Variants in BMP2K observed in about 807,000 individuals in gnomAD.
The protein encoded by BMP2K is BMP2 inducible kinase.
BMP2K carries 74 observed loss-of-function variants against 116.0 expected under a neutral mutation model. The observed-to-expected ratio is 0.64, with a 90% CI of 0.53 to 0.77. The LOEUF is 0.77. Ranked by LOEUF, BMP2K falls within the 30% of genes least tolerant of loss-of-function variation. The pLI, the probability that BMP2K is intolerant of heterozygous loss-of-function variation, is 0.00. For synonymous variants in BMP2K, 486 were observed against 502.5 expected, an observed-to-expected ratio of 0.97 and a Z score of 0.44; for missense variants, 1,365 against 1,403.6, an observed-to-expected ratio of 0.97 and a Z score of 0.44.
At chr4:78,780,923 G>C (rs1420253640) in intron 1 of BMP2K, among the ~76,000 whole-genome samples, 1 of 152,168 alleles carries the variant, frequency 6.6e-6, no homozygotes, top group Non-Finnish European at 1.5e-5. Flanking sequence ...AGGCCTTTTT[G>C]ATCTTTTAGC....
intron 15 of BMP2K, among the ~76,000 whole-genome samples, chr4:78,903,343 T>G (rs985709358): frequency 6.6e-6 from 1 of 152,044 alleles, no homozygotes; most frequent in South Asian, 2.1e-4. Context: ...AATGCATAAA[T>G]GTACATAATT....
intron 1 of BMP2K, among the ~76,000 whole-genome samples, chr4:78,825,031 C>T (rs140529604): frequency 9.9e-5 from 15 of 152,112 alleles, no homozygotes; most frequent in South Asian, 2.1e-4. Context: ...AGTGAAGCCT[C>T]GTCTCTACTG....
rs115139828 is a variant in BMP2K at position 78,867,573 on chromosome 4, T to G, written c.1231+1853T>G. Among the ~76,000 whole-genome samples, 686 of 152,260 alleles carry G rather than the reference T, an allele frequency of 4.5e-3. 3 individuals are homozygous for G. Among genetic ancestry groups the G allele is most frequent in the African/African-American group, 0.016 (648 of 41,554 alleles). Reference sequence around the variant, plus strand: ...TTAACATTTCTTCACCCTTTAAAAATAATACAAAAATTAACACGTGAGTAT... The same window carrying G: ...TTAACATTTCTTCACCCTTTAAAAAGAATACAAAAATTAACACGTGAGTAT... On this transcript the variant is annotated intron_variant, in intron 10 of 15. Coordinates refer to ENST00000502613, the MANE Select transcript of BMP2K (RefSeq NM_198892.2).
intron 2 of BMP2K, among the ~76,000 whole-genome samples, chr4:78,827,224 A>G (rs1371755862): frequency 1.3e-5 from 2 of 150,238 alleles, no homozygotes; most frequent in African/African-American, 2.4e-5. Flanking sequence ...AACTCCATAC[A>G]CTGTCTTATC....
In BMP2K at chr4:78,887,236, C is replaced by T. The variant is rs189572729; in HGVS notation, c.2014C>T (p.His672Tyr). ...AGACTCACTTTCTGCTCCACATAAC[C>T]ATCCTCCAGAAGATCCTTTTGGTTC... is the stretch of plus-strand genomic sequence containing the variant. ...NVDSLSAPHN[H>Y]PPEDPFGSVP... The change falls in exon 15 of 16, where the codon CAT becomes TAT. Residue 672 changes from histidine to tyrosine, a missense_variant. His to Tyr is a moderately conservative substitution (Grantham distance 83). This residue lies in a region of BMP2K where 596 missense variants were observed against 623.2 expected (regional missense o/e 0.96). Transcript: ENST00000502613. 3 of 1,611,834 alleles carry T rather than the reference C, an allele frequency of 1.9e-6. No homozygotes were observed. Among genetic ancestry groups the T allele is most frequent in the African/African-American group, 2.7e-5 (2 of 75,006 alleles).
intron 11 of BMP2K, among the ~76,000 whole-genome samples, chr4:78,871,507 A>C (rs1732355387): frequency 6.6e-6 from 1 of 152,176 alleles, no homozygotes; most frequent in African/African-American, 2.4e-5. Flanking sequence ...GATGCCCAGA[A>C]GACACCACTG....
At position 78,911,049 on chromosome 4, in the gene BMP2K, A is replaced by G. The variant is rs762189582; in HGVS notation, c.2502A>G (p.Thr834=). The change falls in exon 16 of 16, where the codon ACA becomes ACG. Residue 834 remains threonine (T), a synonymous_variant. Transcript: ENST00000502613. ...SGSGPTQDLN[T]ILLTSAQLSS... ...GTGGACCAACCCAAGATCTTAATAC[A>G]ATACTCCTCACCTCAGCCCAATTAT... 6.2e-7 allele frequency: 1 copy of G among 1,613,862 alleles called. No individual in the cohort carries two copies. Among genetic ancestry groups the G allele is most frequent in the South Asian group, 1.1e-5 (1 of 91,068 alleles).
At chr4:78,858,309 A>G (rs1731602179) in intron 7 of BMP2K, among the ~76,000 whole-genome samples, 1 of 151,970 alleles carries the variant, frequency 6.6e-6, no homozygotes, top group African/African-American at 2.4e-5. Flanking sequence ...TAAATTTTGT[A>G]GATTCCTCAA....
chr4:78,865,447 G>A (rs1731997620), intron 9 of BMP2K, 110 bp from the exon 10 acceptor site: 4 of 989,546 alleles, frequency 4.0e-6, no homozygotes, highest in Admixed American at 2.4e-5. Flanking sequence ...GGACTAATGC[G>A]ATTATCAGTA....
intron 1 of BMP2K, among the ~76,000 whole-genome samples, chr4:78,803,545 A>T (rs560235406): frequency 1.3e-5 from 2 of 151,876 alleles, no homozygotes; most frequent in African/African-American, 4.8e-5. Context: ...CTCCCTGCAC[A>T]TTTTTGTATT....
Position 78,847,120 on chromosome 4 carries a change from A to G in BMP2K, c.669-68A>G, listed in dbSNP as rs576110606. ...TTTTGTAGTGTTTTATGTAGAAACA[A>G]TGTATTATCTGTCTTTTTTTTATAT... On this transcript the variant is annotated intron_variant, in intron 5 of 15. Coordinates refer to ENST00000502613, the MANE Select transcript of BMP2K (RefSeq NM_198892.2). 9.2e-6 allele frequency: 8 copies of G among 870,824 alleles called. No homozygotes were observed. The South Asian group carries it at 2.6e-4, about 28-fold the overall frequency. 53.9% of individuals were successfully genotyped at this position (870,824 alleles called of 1,614,324 possible). A position where few individuals can be genotyped will look rare whatever the true frequency, so the allele number is the denominator to read the frequency against.
chr4:78,785,991 A>G (rs980824490), intron 1 of BMP2K, among the ~76,000 whole-genome samples: 1 of 152,156 alleles, frequency 6.6e-6, no homozygotes, highest in African/African-American at 2.4e-5. Context: ...CCAGTTCAGT[A>G]TGACCTCCAA....
chr4:78,853,428 A>G (rs1051923281), intron 7 of BMP2K, among the ~76,000 whole-genome samples: 9 of 152,268 alleles, frequency 5.9e-5, no homozygotes, highest in Admixed American at 3.9e-4. Flanking sequence ...AACTCTCCCA[A>G]TAGACAAGTA....
In BMP2K at chr4:78,910,639, T is replaced by C; in HGVS notation, c.2092T>C (p.Ser698Pro). The C allele has an allele frequency of 2.6e-6, 4 of 1,553,858 alleles. No individual in the cohort carries two copies. The highest frequency in any genetic ancestry group is 3.5e-6 in the Non-Finnish European group (4 of 1,157,006). Residue 698 changes from serine (S) to proline (P), a missense_variant, in exon 16 of 16, where the codon TCT becomes CCT. Around this residue, in one of 3 missense-constraint regions of BMP2K, gnomAD observed 596 missense variants for 623.2 expected, o/e 0.96. Transcript: ENST00000502613. The stretch of plus-strand genomic sequence containing the variant: ...TCCTGAAAAGAAAGCTGAACATTCA[T>C]CTATAAATCAAGAAAATGGCACTGC... ...GSPEKKAEHS[S>P]INQENGTANP...
chr4:78,819,901 G>T (rs952457655), intron 1 of BMP2K, among the ~76,000 whole-genome samples: 12 of 152,098 alleles, frequency 7.9e-5, no homozygotes, highest in African/African-American at 2.9e-4. Context: ...TTCATTTCTT[G>T]TTGGGCACTT....
At chr4:78,785,614 T>C (rs1271875294) in intron 1 of BMP2K, among the ~76,000 whole-genome samples, 1 of 152,176 alleles carries the variant, frequency 6.6e-6, no homozygotes, top group African/African-American at 2.4e-5. Context: ...TATATGTATT[T>C]TAGAGAGTAT....
At chr4:78,805,160 A>G (rs1247216138) in intron 1 of BMP2K, among the ~76,000 whole-genome samples, 1 of 152,182 alleles carries the variant, frequency 6.6e-6, no homozygotes, top group Non-Finnish European at 1.5e-5. Flanking sequence ...CCATTTATTG[A>G]AAAGGTTAGT....
intron 14 of BMP2K, among the ~76,000 whole-genome samples, chr4:78,886,672 CGAGA>C (rs920097583): frequency 6.7e-6 from 1 of 149,926 alleles, no homozygotes; most frequent in Non-Finnish European, 1.5e-5. Flanking sequence ...TGTGTGTGTG[CGAGA>C]GAGAGAATGG....
intron 1 of BMP2K, among the ~76,000 whole-genome samples, chr4:78,792,514 A>G (rs1220939693): frequency 6.6e-6 from 1 of 152,250 alleles, no homozygotes; most frequent in Non-Finnish European, 1.5e-5. Context: ...CTTCGAGGAA[A>G]ACAAATTACA....
Sources: gnomAD v4.1 joint callset for allele counts (sites outside exome capture counted in the v4.1 genomes callset) on GRCh38, gnomAD v4.1.1 for gene constraint, gnomAD v4.1.1 regional missense constraint, MANE v1.5 for transcripts, NCBI Gene and HGNC (gene_info 2026-07-23, HGNC 2026-07-21) for gene names.